Variants in WWOX observed in about 807,000 individuals in gnomAD.
WWOX encodes WW domain-containing oxidoreductase.
A neutral mutation model predicts 46.2 loss-of-function variants in WWOX; 69 were observed. The observed-to-expected ratio is 1.49, with a 90% CI of 1.23 to 1.82. The LOEUF (loss-of-function observed/expected upper bound fraction) is 1.82, where lower values mean the gene tolerates loss of function less well. WWOX is among the 40% of genes most tolerant of loss of function. The pLI is 0.00. For synonymous variants in WWOX, 359 were observed against 202.6 expected (o/e 1.77, Z -6.56); for missense variants, 919 against 542.6 (o/e 1.69, Z -6.89).
At chr16:78,245,863 A>C (rs1022281048) in intron 5 of WWOX, among the ~76,000 whole-genome samples, 1 of 152,224 alleles carries the variant, frequency 6.6e-6, no homozygotes, top group African/African-American at 2.4e-5. Flanking sequence ...TCAAAATAAG[A>C]GCAAAGAAAG....
chr16:79,080,495 C>G (rs1238603329), intron 8 of WWOX, among the ~76,000 whole-genome samples: 1 of 152,196 alleles, frequency 6.6e-6, no homozygotes, highest in Non-Finnish European at 1.5e-5. Flanking sequence ...TGTTTATACT[C>G]CTCTTTGCAC....
chr16:78,126,473 C>G (rs923172891), intron 4 of WWOX, among the ~76,000 whole-genome samples: 1 of 152,122 alleles, frequency 6.6e-6, no homozygotes, highest in Non-Finnish European at 1.5e-5. Flanking sequence ...TATGTCGGGC[C>G]ATTTGTTTTT....
chr16:78,292,518 C>A (rs1198094258), intron 5 of WWOX, among the ~76,000 whole-genome samples: 1 of 151,976 alleles, frequency 6.6e-6, no homozygotes, highest in Non-Finnish European at 1.5e-5. Flanking sequence ...GCATGCAATC[C>A]ACATTACACC....
intron 8 of WWOX, among the ~76,000 whole-genome samples, chr16:78,663,189 C>T (rs2047256817): frequency 6.6e-6 from 1 of 152,168 alleles, no homozygotes; most frequent in Non-Finnish European, 1.5e-5. Context: ...GACAACTACT[C>T]ATTGACTTTG....
At chr16:78,293,978 GAAAAA>G (rs35079271) in intron 5 of WWOX, among the ~76,000 whole-genome samples, 11 of 30,306 alleles carry the variant, frequency 3.6e-4, no homozygotes, top group Admixed American at 1.5e-3. Context: ...CTCTGTCTCA[GAAAAA>G]AAAAAAAAAA....
At chr16:78,528,678 TA>T (rs970919980) in intron 8 of WWOX, among the ~76,000 whole-genome samples, 85 of 152,332 alleles carry the variant, frequency 5.6e-4, no homozygotes, top group African/African-American at 1.8e-3. Context: ...CTGGGCTTTT[TA>T]ACATTCTTTG....
intron 5 of WWOX, among the ~76,000 whole-genome samples, chr16:78,286,958 C>T (rs2151858153): frequency 6.6e-6 from 1 of 152,224 alleles, no homozygotes; most frequent in Non-Finnish European, 1.5e-5. Flanking sequence ...TTAGAAAGTT[C>T]ATTTTATCTT....
Position 78,499,755 on chromosome 16 carries a change from C to G in WWOX, c.1056+67003C>G, listed in dbSNP as rs375597794. 3.2e-4 allele frequency among the ~76,000 whole-genome samples: 49 copies of G among 152,294 alleles called. No homozygotes were observed. In the East Asian group the frequency reaches 5.6e-3, roughly 17 times the overall value. On this transcript the variant is annotated intron_variant, in intron 8 of 8. Transcript: ENST00000566780. Reference sequence around the variant, plus strand: ...ATCCAGCCCAGGACTTGACACCAGCCTCTGTCAAATACATCCGTGGAACGC... The same window carrying G: ...ATCCAGCCCAGGACTTGACACCAGCGTCTGTCAAATACATCCGTGGAACGC...
At chr16:78,495,647 TACAGGCCAACGCCACGG>T (rs1367297184) in intron 8 of WWOX, among the ~76,000 whole-genome samples, 1 of 151,762 alleles carries the variant, frequency 6.6e-6, no homozygotes, top group Non-Finnish European at 1.5e-5. Context: ...TAGCTGGGAC[TACAGGCCAACGCCACGG>T]CACCTGGCTA....
chr16:78,390,124 G>A (rs1468935382), intron 6 of WWOX, among the ~76,000 whole-genome samples: 1 of 152,168 alleles, frequency 6.6e-6, no homozygotes, highest in Non-Finnish European at 1.5e-5. Context: ...GGTTGGTGAC[G>A]GGCATGGGGT....
At chr16:79,181,666 A>G (rs940003761) in intron 8 of WWOX, among the ~76,000 whole-genome samples, 4 of 152,050 alleles carry the variant, frequency 2.6e-5, no homozygotes, top group Non-Finnish European at 2.9e-5. Flanking sequence ...CTTTGCTTTG[A>G]TAAATAATGC....
chr16:79,020,661 A>G lies in WWOX; in HGVS notation c.1057-190947A>G, dbSNP rs76960433. Among the ~76,000 whole-genome samples, 71 of 152,318 alleles carry G rather than the reference A, an allele frequency of 4.7e-4. 1 individual carries two copies. In the East Asian group the frequency reaches 0.012, roughly 27 times the overall value. On this transcript the variant is annotated intron_variant, in intron 8 of 8. Coordinates refer to ENST00000566780, the MANE Select transcript of WWOX (RefSeq NM_016373.4). Reference sequence around the variant, plus strand: ...AGGGGACATTTCAGGCCAATGTGATAATAAAATCAACAGACAAAAGAAGGG... The same window carrying G: ...AGGGGACATTTCAGGCCAATGTGATGATAAAATCAACAGACAAAAGAAGGG...
chr16:78,558,039 C>G (rs893192671), intron 8 of WWOX, among the ~76,000 whole-genome samples: 2 of 152,058 alleles, frequency 1.3e-5, no homozygotes, highest in Non-Finnish European at 2.9e-5. Flanking sequence ...ATAGTCGGCC[C>G]TCAGTGAGCA....
chr16:78,356,168 C>T (rs1026397880), intron 5 of WWOX, among the ~76,000 whole-genome samples: 2 of 144,772 alleles, frequency 1.4e-5, no homozygotes, highest in Admixed American at 1.4e-4. Flanking sequence ...GCTTGGGCGA[C>T]AGAGCGAGAC....
At chr16:78,360,143 A>G (rs4888786) in intron 5 of WWOX, among the ~76,000 whole-genome samples, 80,122 of 152,034 alleles carry the variant, frequency 0.53, 22,575 homozygotes, top group Non-Finnish European at 0.64. Flanking sequence ...AACTAACACT[A>G]TTCCCCCATC....
intron 8 of WWOX, among the ~76,000 whole-genome samples, chr16:78,753,550 A>G (rs1259989091): frequency 2.0e-5 from 3 of 151,886 alleles, no homozygotes; most frequent in African/African-American, 7.3e-5. Context: ...CTGTAATCCC[A>G]TCACATTGGG....
intron 8 of WWOX, among the ~76,000 whole-genome samples, chr16:78,522,856 GA>G (rs1434917373): frequency 2.0e-5 from 3 of 152,178 alleles, no homozygotes; most frequent in African/African-American, 7.2e-5. Flanking sequence ...TGGATCACTC[GA>G]GGTCAGGAGT....
chr16:78,219,387 A>G (rs558216047), intron 5 of WWOX, among the ~76,000 whole-genome samples: 2 of 152,362 alleles, frequency 1.3e-5, no homozygotes, highest in East Asian at 1.9e-4. Flanking sequence ...ATTTATGGAC[A>G]TTAAGCAATA....
chr16:78,681,616 G>A (rs992632754), intron 8 of WWOX, among the ~76,000 whole-genome samples: 7 of 152,020 alleles, frequency 4.6e-5, no homozygotes, highest in Non-Finnish European at 8.8e-5. Context: ...GAATCTCTAG[G>A]GACAGACCGA....
Sources: gnomAD v4.1 joint callset for allele counts (sites outside exome capture counted in the v4.1 genomes callset) on GRCh38, gnomAD v4.1.1 for gene constraint, MANE v1.5 for transcripts, NCBI Gene and HGNC (gene_info 2026-07-23, HGNC 2026-07-21) for gene names.